TIAM1: variants seen among roughly 807,000 people sequenced by gnomAD.
The protein encoded by TIAM1 is rho guanine nucleotide exchange factor TIAM1.
Under a neutral mutation model 163.5 loss-of-function variants are expected in TIAM1, and 65 were observed. The observed-to-expected ratio is 0.40, with a 90% CI of 0.33 to 0.49. The LOEUF (loss-of-function observed/expected upper bound fraction) is 0.49. Among genes scored for constraint, TIAM1 ranks in the 20% least tolerant of loss-of-function variants. The pLI is 0.77. For synonymous variants in TIAM1, 833 were observed against 810.1 expected, an observed-to-expected ratio of 1.03 and a Z score of -0.48; for missense variants, 1,789 against 2,044.7, an observed-to-expected ratio of 0.87 and a Z score of 2.41.
At chr21:31,134,194 A>T (rs1281194309) in intron 23 of TIAM1, among the ~76,000 whole-genome samples, 6 of 152,194 alleles carry the variant, frequency 3.9e-5, no homozygotes, top group Non-Finnish European at 2.9e-5. Context: ...TGTAAAACTG[A>T]GGGCAAAGCC....
chr21:31,496,969 A>C (rs1399388483), intron 1 of TIAM1, among the ~76,000 whole-genome samples: 2 of 152,230 alleles, frequency 1.3e-5, no homozygotes, highest in Non-Finnish European at 2.9e-5. Flanking sequence ...TCGCATGAGC[A>C]GTTCACAATA....
At chr21:31,257,324 C>T (rs2072173275) in intron 4 of TIAM1, among the ~76,000 whole-genome samples, 1 of 152,114 alleles carries the variant, frequency 6.6e-6, no homozygotes, top group Non-Finnish European at 1.5e-5. Flanking sequence ...ATTTCAGCTA[C>T]AAGCATTGGA....
At chr21:31,148,387 G>A (rs549851782) in intron 19 of TIAM1, among the ~76,000 whole-genome samples, 22 of 152,242 alleles carry the variant, frequency 1.4e-4, no homozygotes, top group Non-Finnish European at 2.4e-4. Flanking sequence ...CCCTGCACAC[G>A]CTCTCTTGCC....
At chr21:31,421,964 G>A (rs1432628804) in intron 2 of TIAM1, among the ~76,000 whole-genome samples, 1 of 152,000 alleles carries the variant, frequency 6.6e-6, no homozygotes, top group Admixed American at 6.6e-5. Flanking sequence ...CACTCCAGTC[G>A]AGTTGCTGCA....
intron 15 of TIAM1, among the ~76,000 whole-genome samples, chr21:31,177,114 T>C (rs2084800837): frequency 6.6e-6 from 1 of 152,202 alleles, no homozygotes; most frequent in South Asian, 2.1e-4. Context: ...CATAAGAGAA[T>C]GGCTTCAGGT....
chr21:31,217,485 C>T, intron 9 of TIAM1, 68 bp downstream of exon 9: 3 of 1,561,686 alleles, frequency 1.9e-6, no homozygotes, highest in Admixed American at 3.7e-5. Flanking sequence ...GAAACACACA[C>T]ACCCCAAATT....
rs9981515 is a variant in TIAM1 at position 31,261,002 on chromosome 21, C to G, written c.963+5008G>C. Among the ~76,000 whole-genome samples, 516 of 152,320 alleles carry G rather than the reference C, an allele frequency of 3.4e-3. 6 individuals are homozygous for G. Among genetic ancestry groups the G allele is most frequent in the African/African-American group, 0.012 (482 of 41,568 alleles). On this transcript the variant is annotated intron_variant, in intron 4 of 27. Transcript: ENST00000541036. Reference sequence around the variant, plus strand: ...TTTTCAGCCCAGGAAACAAACTTATCTCTGAGTCATTGAAGCTCAGTTGCA... The same window carrying G: ...TTTTCAGCCCAGGAAACAAACTTATGTCTGAGTCATTGAAGCTCAGTTGCA...
chr21:31,411,719 A>G (rs2077361937), intron 2 of TIAM1, among the ~76,000 whole-genome samples: 1 of 152,094 alleles, frequency 6.6e-6, no homozygotes, highest in African/African-American at 2.4e-5. Flanking sequence ...CAAGTGATCC[A>G]TCCGTCTTGG....
At chr21:31,228,242 A>ATT (rs1569068886) in intron 6 of TIAM1, among the ~76,000 whole-genome samples, 1 of 50,714 alleles carries the variant, frequency 2.0e-5, no homozygotes, top group East Asian at 1.0e-3. Context: ...AAAAAAAAAA[A>ATT]AAAAAAAAAA....
intron 2 of TIAM1, among the ~76,000 whole-genome samples, chr21:31,359,731 A>G (rs2076372720): frequency 6.6e-6 from 1 of 151,644 alleles, no homozygotes; most frequent in Admixed American, 6.6e-5. Flanking sequence ...AGAGGTTGCA[A>G]CAAGTCGAGA....
intron 26 of TIAM1, among the ~76,000 whole-genome samples, 156 bp from the exon 27 acceptor site, chr21:31,124,850 CCAGT>C (rs1258683956): frequency 1.3e-5 from 2 of 152,170 alleles, no homozygotes; most frequent in Non-Finnish European, 2.9e-5. Context: ...TGATTTCACG[CCAGT>C]GATAAAGAGC....
At chr21:31,451,066 G>GGA (rs539797246) in intron 2 of TIAM1, among the ~76,000 whole-genome samples, 1 of 140,482 alleles carries the variant, frequency 7.1e-6, no homozygotes, top group African/African-American at 2.6e-5. Context: ...ATTCTCAGAG[G>GGA]AAAAAAAAAA....
At chr21:31,159,392 C>G (rs940010739) in intron 16 of TIAM1, among the ~76,000 whole-genome samples, 1 of 152,184 alleles carries the variant, frequency 6.6e-6, no homozygotes, top group Non-Finnish European at 1.5e-5. Flanking sequence ...AGCCACCCAG[C>G]TGTTTAAGCT....
At chr21:31,427,020 A>G (rs965367871) in intron 2 of TIAM1, among the ~76,000 whole-genome samples, 7 of 152,136 alleles carry the variant, frequency 4.6e-5, no homozygotes, top group Admixed American at 3.3e-4. Flanking sequence ...TCCTGGGCTC[A>G]AGCAATCCTC....
chr21:31,303,531 T>C (rs971277653), intron 2 of TIAM1, among the ~76,000 whole-genome samples: 1 of 152,302 alleles, frequency 6.6e-6, no homozygotes, highest in South Asian at 2.1e-4. Flanking sequence ...TCTTGTAATG[T>C]TGTCATATTT....
chr21:31,171,035 C>CAAAAAAAAAAAAAAAA (rs34291568), intron 15 of TIAM1, among the ~76,000 whole-genome samples: 4 of 19,576 alleles, frequency 2.0e-4, no homozygotes, highest in African/African-American at 4.0e-4. Context: ...GACTCCATCT[C>CAAAAAAAAAAAAAAAA]AAAAAAAAAA....
intron 6 of TIAM1, among the ~76,000 whole-genome samples, chr21:31,242,617 T>G (rs888380001): frequency 6.6e-6 from 1 of 152,156 alleles, no homozygotes; most frequent in African/African-American, 2.4e-5. Context: ...TTATTGCTTC[T>G]GTACATTTAA....
chr21:31,474,671 G>A (rs2284525), intron 1 of TIAM1, among the ~76,000 whole-genome samples: 50,271 of 150,876 alleles, frequency 0.33, 8,473 homozygotes, highest in African/African-American at 0.35. Context: ...TCAGCCTCCC[G>A]AGTAGCTGGG....
chr21:31,252,392 T>C (rs2071862916), intron 4 of TIAM1, among the ~76,000 whole-genome samples: 1 of 152,110 alleles, frequency 6.6e-6, no homozygotes, highest in African/African-American at 2.4e-5. Context: ...CAGGAAACCT[T>C]CAGCCGCCCT....
Sources: gnomAD v4.1 joint callset for allele counts (sites outside exome capture counted in the v4.1 genomes callset) on GRCh38, gnomAD v4.1.1 for gene constraint, MANE v1.5 for transcripts, NCBI Gene and HGNC (gene_info 2026-07-23, HGNC 2026-07-21) for gene names.